Variants in CAPG observed in about 807,000 individuals in gnomAD.
CAPG encodes capping actin protein, gelsolin like, also known as macrophage-capping protein.
A neutral mutation model predicts 44.6 loss-of-function variants in CAPG; 32 were observed. The ratio of observed to expected loss-of-function variants is 0.72; its 90% CI spans 0.54 to 0.96. The LOEUF (loss-of-function observed/expected upper bound fraction) is 0.96, where lower values mean the gene tolerates loss of function less well. Among genes scored for constraint, CAPG ranks in the 50% least tolerant of loss-of-function variants. The pLI, the probability that CAPG is intolerant of heterozygous loss-of-function variation, is 0.00. For missense variants in CAPG, 412 were observed against 438.3 expected (o/e 0.94, Z 0.54); for synonymous variants, 175 against 179.6 (o/e 0.97, Z 0.20).
chr2:85,410,360 G>C lies in CAPG; in HGVS notation c.-57C>G, dbSNP rs1395487709. ...TCTTCCTTCCAGCCTGCCCCACCCG[G>C]CTTCTCACTTCCCTCTTACTTCTCT... On this transcript the variant is annotated 5_prime_UTR_variant, in exon 1 of 10. Transcript: ENST00000263867. 2 of 152,502 alleles carry C rather than the reference G, an allele frequency of 1.3e-5. No homozygotes were observed. The highest frequency in any genetic ancestry group is 4.8e-5 in the African/African-American group (2 of 41,456). The allele number at this position is 152,502 out of a possible 1,614,324, so 9.4% of individuals were successfully genotyped here. A position where few individuals can be genotyped will look rare whatever the true frequency, so the allele number is the denominator to read the frequency against.
At chr2:85,406,483 C>T (rs751189391) in intron 1 of CAPG, among the ~76,000 whole-genome samples, 1 of 152,138 alleles carries the variant, frequency 6.6e-6, no homozygotes, top group Non-Finnish European at 1.5e-5. Context: ...ATCTGATAAT[C>T]GTGGATATCT....
intron 7 of CAPG, 51 bp downstream of exon 7, chr2:85,398,639 G>A (rs1314726385): frequency 6.9e-7 from 1 of 1,449,596 alleles, no homozygotes; most frequent in South Asian, 1.2e-5. Context: ...GTGCTGTGCA[G>A]GCTCCCACCC....
Position 85,401,091 on chromosome 2 carries a change from C to T in CAPG, c.516+74G>A, listed in dbSNP as rs1047908032. On this transcript the variant is annotated intron_variant, in intron 5 of 9. Transcript: ENST00000263867. The stretch of plus-strand genomic sequence containing the variant: ...GGCTTCTCAGCTTCTCTCCCTCTTT[C>T]CTGGCCTCCTGCCCCTCCGTCCTTA... The T allele has an allele frequency of 2.4e-5, 34 of 1,427,356 alleles. No homozygotes were observed. The South Asian group carries it at 4.1e-4, about 17-fold the overall frequency. The allele number at this position is 1,427,356 out of a possible 1,614,324, so 88.4% of individuals were successfully genotyped here.
At chr2:85,399,705 G>A (rs1447298978) in intron 5 of CAPG, among the ~76,000 whole-genome samples, 2 of 150,762 alleles carry the variant, frequency 1.3e-5, no homozygotes, top group Non-Finnish European at 2.9e-5. Context: ...GCCCAGGCTG[G>A]TTACAAACCG....
At chr2:85,394,750 T>G (rs938945106), downstream of CAPG, 3 of 713,208 alleles carry the variant, frequency 4.2e-6, no homozygotes, top group East Asian at 5.3e-5. Context: ...CCAGGGCAGG[T>G]GGTGCAGGAA....
In CAPG at chr2:85,399,500, C is replaced by CA. The variant is rs1686776435; in HGVS notation, c.517-216_517-215insT. 2.6e-5 allele frequency among the ~76,000 whole-genome samples: 4 copies of CA among 152,152 alleles called. No individual in the cohort carries two copies. The South Asian group carries it at 8.3e-4, about 31-fold the overall frequency. ...GCCCACCTGCCATCTGTCTTCCTTT[C>CA]TTTTTTTCGAGACAGGGTCTCACTC... On this transcript the variant is annotated intron_variant, in intron 5 of 9. Transcript: ENST00000263867.
intron 1 of CAPG, among the ~76,000 whole-genome samples, chr2:85,404,846 G>A (rs1182071331): frequency 6.6e-6 from 1 of 151,650 alleles, no homozygotes; most frequent in Admixed American, 6.6e-5. Context: ...TGAGGAGTGA[G>A]TATCGCTTGA....
In CAPG at chr2:85,398,034, A is replaced by G. The variant is rs1000344355; in HGVS notation, c.878T>C (p.Ile293Thr). The G allele has an allele frequency of 1.9e-6, 3 of 1,613,858 alleles. No homozygotes were observed. The highest frequency in any genetic ancestry group is 1.7e-5 in the Admixed American group (1 of 59,972). The part of the protein sequence containing the change: ...FVLDNGLCGK[I>T]YIWKGRKANE... ...GAGCCACGTACCCTTCCAGATATAG[A>G]TCTTGCCACAGAGCCCGTTGTCCAG... Residue 293 changes from isoleucine to threonine, a missense_variant, in exon 8 of 10, where the codon ATC becomes ACC. Ile to Thr is a moderately conservative substitution (Grantham distance 89, BLOSUM62 -1). Transcript: ENST00000263867.
At chr2:85,402,086 G>C in intron 2 of CAPG, 37 bp downstream of exon 2, 1 of 1,611,324 alleles carries the variant, frequency 6.2e-7, no homozygotes, top group Non-Finnish European at 8.5e-7. Flanking sequence ...AGGTAAAGAA[G>C]GGGAAGTTGT....
intron 8 of CAPG, among the ~76,000 whole-genome samples, chr2:85,397,703 A>AG (rs1686666872): frequency 7.3e-6 from 1 of 136,488 alleles, no homozygotes; most frequent in Non-Finnish European, 1.6e-5. Context: ...ATTCCTTCTC[A>AG]AAAAGAAAGA....
intron 8 of CAPG, among the ~76,000 whole-genome samples, chr2:85,396,986 G>T (rs1558729366): frequency 1.3e-5 from 2 of 152,118 alleles, no homozygotes; most frequent in Non-Finnish European, 2.9e-5. Context: ...CAGAGACTGA[G>T]AACAAGTTTG....
chr2:85,406,934 CT>C (rs575138210), intron 1 of CAPG, among the ~76,000 whole-genome samples: 3,322 of 141,754 alleles, frequency 0.023, 98 homozygotes, highest in African/African-American at 0.075. Context: ...TAGTAATTTT[CT>C]TTTTTTTTTT....
At chr2:85,397,562 G>T (rs1227827290) in intron 8 of CAPG, among the ~76,000 whole-genome samples, 1 of 151,826 alleles carries the variant, frequency 6.6e-6, no homozygotes, top group Non-Finnish European at 1.5e-5. Flanking sequence ...AATTAGCCAG[G>T]TGTGGTGGCA....
chr2:85,394,859 G>A lies in CAPG; in HGVS notation c.*34C>T, dbSNP rs550645425. ...AGAAGCAAGCAGGCAGGTGGTGGGG[G>A]GCAGGGGAGCATGGGGCAGGAAGAC... is the stretch of plus-strand genomic sequence containing the variant. On this transcript the variant is annotated 3_prime_UTR_variant, in exon 10 of 10. Transcript: ENST00000263867. 4 of 1,528,036 alleles carry A rather than the reference G, an allele frequency of 2.6e-6. No homozygotes were observed. The highest frequency in any genetic ancestry group is 3.3e-5 in the Admixed American group (2 of 59,912). 94.7% of individuals were successfully genotyped at this position (1,528,036 alleles called of 1,614,324 possible).
In CAPG at chr2:85,401,975, G is replaced by T; in HGVS notation, c.24-18C>A. Reference sequence around the variant, plus strand: ...GAGAGCCACTGCGAGAAGAGAGAGGGTTGACAGCAGCCTGGACCCACTTGC... The same window carrying T: ...GAGAGCCACTGCGAGAAGAGAGAGGTTTGACAGCAGCCTGGACCCACTTGC... On this transcript the variant is annotated intron_variant, in intron 2 of 9. Coordinates refer to ENST00000263867, the MANE Select transcript of CAPG (RefSeq NM_001747.4). 1 of 1,614,010 alleles carries T rather than the reference G, an allele frequency of 6.2e-7. No individual in the cohort carries two copies. Among genetic ancestry groups the T allele is most frequent in the Non-Finnish European group, 8.5e-7 (1 of 1,179,882 alleles).
At chr2:85,412,842 A>G (rs1440674979), upstream of CAPG, among the ~76,000 whole-genome samples, 1 of 152,070 alleles carries the variant, frequency 6.6e-6, no homozygotes, top group African/African-American at 2.4e-5. Flanking sequence ...AAGTGACTTA[A>G]CCTCCTGGAG....
Position 85,398,689 on chromosome 2 carries a change from C to T in CAPG, c.759+1G>A, listed in dbSNP as rs367802719. ...TCCCAGGGCAGGCTTGGGGGGCCCACCTTATACAGAGCTGCGGCCTGGGCA... is the reference window on the plus strand; with the variant it reads ...TCCCAGGGCAGGCTTGGGGGGCCCATCTTATACAGAGCTGCGGCCTGGGCA... On this transcript the variant is annotated splice_donor_variant, in intron 7 of 9. Transcript: ENST00000263867. LOFTEE classifies it high-confidence loss of function. 4.4e-6 allele frequency: 7 copies of T among 1,597,262 alleles called. No individual in the cohort carries two copies. Among genetic ancestry groups the T allele is most frequent in the East Asian group, 2.2e-5 (1 of 44,460 alleles).
At chr2:85,392,299 A>T (rs531183595), downstream of CAPG, among the ~76,000 whole-genome samples, 59 of 152,138 alleles carry the variant, frequency 3.9e-4, no homozygotes, top group African/African-American at 1.4e-3. Context: ...CTGAGGCAGG[A>T]AAATGGTGTG....
At chr2:85,406,661 C>A (rs1687173718) in intron 1 of CAPG, among the ~76,000 whole-genome samples, 1 of 152,034 alleles carries the variant, frequency 6.6e-6, no homozygotes, top group South Asian at 2.1e-4. Flanking sequence ...GAGTTCGAGA[C>A]CAGCCTGACC....
Sources: allele counts gnomAD v4.1 joint callset (sites outside exome capture counted in the v4.1 genomes callset), GRCh38; gene constraint gnomAD v4.1.1; transcripts MANE v1.5; gene names NCBI Gene and HGNC (gene_info 2026-07-23, HGNC 2026-07-21).